The following PHLPP2 variants were observed in gnomAD, a reference collection of about 807,000 sequenced individuals.
PHLPP2 encodes the protein PH domain and leucine rich repeat protein phosphatase 2.
PHLPP2 carries 66 observed loss-of-function variants against 124.9 expected under a neutral mutation model. The observed-to-expected ratio is 0.53, with a 90% CI of 0.43 to 0.65. The LOEUF (loss-of-function observed/expected upper bound fraction) is 0.65. Ranked by LOEUF, PHLPP2 falls within the 30% of genes least tolerant of loss-of-function variation. PHLPP2 has a pLI of 0.00. For synonymous variants in PHLPP2, 681 were observed against 624.7 expected (o/e 1.09, Z -1.34); for missense variants, 1,685 against 1,600.4 (o/e 1.05, Z -0.90).
intron 1 of PHLPP2, chr16:71,723,223 G>A (rs1031372614): frequency 6.6e-6 from 1 of 152,282 alleles, no homozygotes; most frequent in African/African-American, 2.4e-5. Flanking sequence ...GGCACCTCGG[G>A]TAGCGAGCCC....
At chr16:71,699,573 C>A (rs973824804) in intron 3 of PHLPP2, among the ~76,000 whole-genome samples, 2 of 152,200 alleles carry the variant, frequency 1.3e-5, no homozygotes, top group African/African-American at 4.8e-5. Context: ...CATTCACCAT[C>A]TTTCAATTTG....
intron 3 of PHLPP2, among the ~76,000 whole-genome samples, chr16:71,694,378 T>C (rs2045146955): frequency 6.6e-6 from 1 of 151,928 alleles, no homozygotes; most frequent in South Asian, 2.1e-4. Flanking sequence ...GGAGAATTGC[T>C]TGAACCTGGG....
chr16:71,714,905 T>C, intron 1 of PHLPP2, 104 bp from the exon 2 acceptor site: 2 of 1,386,296 alleles, frequency 1.4e-6, no homozygotes, highest in South Asian at 3.0e-5. Context: ...CCCAACATTC[T>C]GCTCAAGTAT....
At chr16:71,650,530 C>T (rs1325153612) in intron 18 of PHLPP2, among the ~76,000 whole-genome samples, 2 of 152,148 alleles carry the variant, frequency 1.3e-5, no homozygotes, top group Non-Finnish European at 1.5e-5. Flanking sequence ...GTTATTCAGC[C>T]TAAAAAAGGG....
intron 8 of PHLPP2, chr16:71,677,280 G>C (rs762375290): frequency 6.5e-6 from 1 of 153,530 alleles, no homozygotes; most frequent in East Asian, 1.9e-4. Context: ...TAGGACAAAG[G>C]AACAGGAAGA....
chr16:71,700,519 C>CTTTTTTTTTT lies in PHLPP2; in HGVS notation c.418+2069_418+2078dup, dbSNP rs1234453846. The stretch of plus-strand genomic sequence containing the variant: ...ATGGGCTGTGTTTAGTGACTCATTT[C>CTTTTTTTTTT]TTTTTTTTTTTTTTTTTTTTTTTTG... On this transcript the variant is annotated intron_variant, in intron 3 of 18. Transcript: ENST00000568954. 3.6e-5 allele frequency among the ~76,000 whole-genome samples: 3 copies of CTTTTTTTTTT among 83,340 alleles called. 1 individual carries two copies. Among genetic ancestry groups the CTTTTTTTTTT allele is most frequent in the East Asian group, 4.0e-4 (1 of 2,484 alleles). The allele number at this position is 83,340 out of a possible 152,430, so 54.7% of individuals were successfully genotyped here.
intron 5 of PHLPP2, 41 bp from the exon 6 acceptor site, chr16:71,681,946 G>GGGT: frequency 6.9e-7 from 1 of 1,456,664 alleles, no homozygotes; most frequent in Non-Finnish European, 9.2e-7. Context: ...AGCTAGTACT[G>GGGT]GATGTCTATC....
At chr16:71,716,839 T>C (rs1310899485) in intron 1 of PHLPP2, among the ~76,000 whole-genome samples, 1 of 152,254 alleles carries the variant, frequency 6.6e-6, no homozygotes, top group Non-Finnish European at 1.5e-5. Context: ...CCAGACATTT[T>C]TACTAGACAG....
chr16:71,714,106 AT>A (rs2045341667), intron 2 of PHLPP2, among the ~76,000 whole-genome samples: 1 of 151,724 alleles, frequency 6.6e-6, no homozygotes, highest in East Asian at 1.9e-4. Context: ...TGCCTGGCTA[AT>A]TTTTATATTT....
intron 1 of PHLPP2, among the ~76,000 whole-genome samples, chr16:71,716,194 C>G (rs763643677): frequency 1.3e-5 from 2 of 152,102 alleles, no homozygotes; most frequent in Non-Finnish European, 2.9e-5. Flanking sequence ...CAAACTTTAT[C>G]CACTCTCCTG....
At chr16:71,661,306 C>A (rs748950483) in intron 13 of PHLPP2, among the ~76,000 whole-genome samples, 3 of 151,984 alleles carry the variant, frequency 2.0e-5, no homozygotes, top group African/African-American at 7.2e-5. Flanking sequence ...CCTGATCTCA[C>A]GTGATCCACC....
intron 3 of PHLPP2, among the ~76,000 whole-genome samples, chr16:71,693,155 C>T (rs2045132383): frequency 6.6e-6 from 1 of 152,096 alleles, no homozygotes; most frequent in South Asian, 2.1e-4. Context: ...GGCATGGTGG[C>T]GTATGCCTGT....
At chr16:71,667,634 A>G (rs2044850872) in intron 11 of PHLPP2, among the ~76,000 whole-genome samples, 1 of 152,242 alleles carries the variant, frequency 6.6e-6, no homozygotes, top group Non-Finnish European at 1.5e-5. Context: ...TTTAAGTCTA[A>G]GCAGCACCAA....
chr16:71,663,276 T>G (rs1396757326), intron 13 of PHLPP2, among the ~76,000 whole-genome samples: 2 of 152,174 alleles, frequency 1.3e-5, no homozygotes, highest in African/African-American at 4.8e-5. Flanking sequence ...CACGTACGGC[T>G]AATATTTTGT....
chr16:71,654,733 CATCCTTATCAGGGTGTAACCCTATTCT>C (rs2044727695), intron 17 of PHLPP2, among the ~76,000 whole-genome samples: 2 of 152,340 alleles, frequency 1.3e-5, no homozygotes, highest in African/African-American at 4.8e-5. Context: ...GTCAGGCTTA[CATCCTTATCAGGGTGTAACCCTATTCT>C]AAGTTGAGGA....
Position 71,652,856 on chromosome 16 carries a change from G to T in PHLPP2, c.2751C>A (p.Val917=), listed in dbSNP as rs1215189297. 1 of 1,614,174 alleles carries T rather than the reference G, an allele frequency of 6.2e-7. No homozygotes were observed. The stretch of plus-strand genomic sequence containing the variant: ...CCTCTGGGTCCTGCTCCAGGCTGAA[G>T]ACTTTAGAGAGGGGCACTGGCTTCC... ...RGGKPVPLSK[V]FSLEQDPEEA... Residue 917 remains valine, a synonymous_variant, in exon 18 of 19, where the codon GTC becomes GTA. Coordinates refer to ENST00000568954, the MANE Select transcript of PHLPP2 (RefSeq NM_015020.3).
At chr16:71,660,340 C>A (rs1159548089) in intron 13 of PHLPP2, among the ~76,000 whole-genome samples, 2 of 126,770 alleles carry the variant, frequency 1.6e-5, no homozygotes, top group Admixed American at 9.6e-5. Context: ...TGCACCACTG[C>A]ACACCAGCCT....
intron 1 of PHLPP2, chr16:71,723,713 TA>T: frequency 1.2e-6 from 1 of 847,002 alleles, no homozygotes; most frequent in Non-Finnish European, 1.7e-6. Context: ...GTTCCCTCCC[TA>T]GTCCGCTTGC....
chr16:71,681,145 A>C (rs1037722461), intron 6 of PHLPP2, among the ~76,000 whole-genome samples: 2 of 152,226 alleles, frequency 1.3e-5, no homozygotes, highest in East Asian at 3.8e-4. Flanking sequence ...CCAGAAGCCC[A>C]GACAATTACT....
Sources: allele counts gnomAD v4.1 joint callset (sites outside exome capture counted in the v4.1 genomes callset), GRCh38; gene constraint gnomAD v4.1.1; transcripts MANE v1.5; gene names NCBI Gene and HGNC (gene_info 2026-07-23, HGNC 2026-07-21).